The following ITGA9 variants were observed in gnomAD, a reference collection of about 807,000 sequenced individuals.
ITGA9 encodes the protein integrin subunit alpha 9, also known as integrin alpha-9.
ITGA9 carries 56 observed loss-of-function variants against 127.8 expected under a neutral mutation model. The ratio of observed to expected loss-of-function variants is 0.44; its 90% CI spans 0.35 to 0.55. ITGA9 has a LOEUF of 0.55. Ranked by LOEUF, ITGA9 falls within the 20% of genes least tolerant of loss-of-function variation. The probability of loss-of-function intolerance (pLI) is 0.00; values close to 1 mark genes in which losing one functional copy is unlikely to be tolerated. For missense variants in ITGA9, 1,196 were observed against 1,347.1 expected, an observed-to-expected ratio of 0.89 and a Z score of 1.76; for synonymous variants, 508 against 514.5, an observed-to-expected ratio of 0.99 and a Z score of 0.17.
chr3:37,589,837 T>C (rs1366023915), intron 15 of ITGA9, among the ~76,000 whole-genome samples: 1 of 151,924 alleles, frequency 6.6e-6, no homozygotes, highest in Non-Finnish European at 1.5e-5. Flanking sequence ...TAGTAGACCA[T>C]TGAAAGGACT....
At position 37,452,841 on chromosome 3, in the gene ITGA9, T is replaced by C. The variant is rs563434386; in HGVS notation, c.185+282T>C. On this transcript the variant is annotated intron_variant, in intron 1 of 27. Coordinates refer to ENST00000264741, the MANE Select transcript of ITGA9 (RefSeq NM_002207.3). This position sits in a 1 kb window ranked among gnomAD's most constrained non-coding sequence, Gnocchi z 7.3. ...AGCGTGGGGGGAGAGCCGCTAGAGT[T>C]GTCTCCTCCGCCGCCCAGCTAGACT... Among the ~76,000 whole-genome samples, 25 of 152,124 alleles carry C rather than the reference T, an allele frequency of 1.6e-4. No homozygotes were observed. Among genetic ancestry groups the C allele is most frequent in the African/African-American group, 5.1e-4 (21 of 41,516 alleles).
chr3:37,540,465 C>T (rs1052812513), intron 14 of ITGA9, among the ~76,000 whole-genome samples: 1 of 151,130 alleles, frequency 6.6e-6, no homozygotes, highest in Non-Finnish European at 1.5e-5. Flanking sequence ...TAGATCTCTG[C>T]ACTTGTTTGG....
intron 8 of ITGA9, among the ~76,000 whole-genome samples, chr3:37,511,697 G>A (rs946311680): frequency 1.4e-4 from 21 of 152,212 alleles, no homozygotes; most frequent in African/African-American, 4.1e-4. Context: ...TTCCTGCTCC[G>A]TTCTCCTTTG....
At chr3:37,572,604 A>G (rs1699612422) in intron 15 of ITGA9, among the ~76,000 whole-genome samples, 1 of 152,258 alleles carries the variant, frequency 6.6e-6, no homozygotes, top group Non-Finnish European at 1.5e-5. Context: ...ACTTACAGAT[A>G]GAAGGCAATA....
chr3:37,562,043 AC>A, intron 15 of ITGA9, among the ~76,000 whole-genome samples: 1 of 152,178 alleles, frequency 6.6e-6, no homozygotes, highest in South Asian at 2.1e-4. Flanking sequence ...TCTTCTGCTT[AC>A]AGCTGTTGTG....
chr3:37,576,890 C>T lies in ITGA9; in HGVS notation c.1689+34305C>T, dbSNP rs190980973. On this transcript the variant is annotated intron_variant, in intron 15 of 27. Coordinates refer to ENST00000264741, the MANE Select transcript of ITGA9 (RefSeq NM_002207.3). The stretch of plus-strand genomic sequence containing the variant: ...CTGGGATTACAGGCATGAGCCACCA[C>T]ACTCCACCTCCAACCACAATTCTTG... Among the ~76,000 whole-genome samples the T allele has an allele frequency of 2.2e-4, 34 of 152,354 alleles. No homozygotes were observed. In the East Asian group the frequency reaches 6.4e-3, roughly 29 times the overall value.
At chr3:37,725,732 T>C (rs1195580031) in intron 18 of ITGA9, among the ~76,000 whole-genome samples, 13 of 152,222 alleles carry the variant, frequency 8.5e-5, no homozygotes, top group Admixed American at 7.8e-4. Flanking sequence ...GTAGAGGCTA[T>C]GTACTCCATC....
At chr3:37,456,486 G>A (rs1268010517) in intron 1 of ITGA9, among the ~76,000 whole-genome samples, 2 of 152,146 alleles carry the variant, frequency 1.3e-5, no homozygotes, top group Non-Finnish European at 2.9e-5. Flanking sequence ...ATGCTGCCTG[G>A]CTGGCGTGCA....
At chr3:37,503,446 C>T (rs1698808699) in intron 6 of ITGA9, 139 bp downstream of exon 6, 6 of 935,194 alleles carry the variant, frequency 6.4e-6, no homozygotes, top group South Asian at 1.5e-5. Flanking sequence ...ACATCTTTAG[C>T]CAGGGCATCT....
intron 15 of ITGA9, among the ~76,000 whole-genome samples, chr3:37,625,416 C>G (rs2125633483): frequency 6.6e-6 from 1 of 152,326 alleles, no homozygotes; most frequent in African/African-American, 2.4e-5. Flanking sequence ...AAAACCTCAG[C>G]TGCTGCAAAT....
At position 37,629,924 on chromosome 3, in the gene ITGA9, C is replaced by A. The variant is rs1700214745; in HGVS notation, c.1839+588C>A. Among the ~76,000 whole-genome samples, 1 of 152,172 alleles carries A rather than the reference C, an allele frequency of 6.6e-6. No homozygotes were observed. Among genetic ancestry groups the A allele is most frequent in the Admixed American group, 6.5e-5 (1 of 15,284 alleles). ...GCCTGTGCCTGATTTTGTGCAGCAG[C>A]GCTGGCCAGCTCTGAGGCGTGCAGC... On this transcript the variant is annotated intron_variant, in intron 16 of 27. Transcript: ENST00000264741. This position sits in a 1 kb window ranked among gnomAD's most constrained non-coding sequence, Gnocchi z 4.5.
chr3:37,609,493 T>C (rs904445104), intron 15 of ITGA9, among the ~76,000 whole-genome samples: 4 of 152,222 alleles, frequency 2.6e-5, no homozygotes, highest in African/African-American at 9.7e-5. Flanking sequence ...TGCACATTCT[T>C]GTGACAGGCA....
chr3:37,726,540 T>G (rs1037584719), intron 18 of ITGA9, among the ~76,000 whole-genome samples: 1 of 152,234 alleles, frequency 6.6e-6, no homozygotes, highest in Non-Finnish European at 1.5e-5. Flanking sequence ...CTAATTTCAT[T>G]ATTCGATTCT....
At chr3:37,743,832 T>C in intron 21 of ITGA9, 94 bp from the exon 22 acceptor site, 1 of 894,746 alleles carries the variant, frequency 1.1e-6, no homozygotes, top group South Asian at 1.3e-5. Context: ...GACACTGGAT[T>C]AAATTGAGAC....
intron 5 of ITGA9, among the ~76,000 whole-genome samples, chr3:37,496,992 T>G (rs1343076543): frequency 6.6e-6 from 1 of 152,246 alleles, no homozygotes; most frequent in East Asian, 1.9e-4. Context: ...CTCTATCTTC[T>G]CTCACTCAGA....
At chr3:37,589,693 G>A (rs1420172650) in intron 15 of ITGA9, among the ~76,000 whole-genome samples, 1 of 152,158 alleles carries the variant, frequency 6.6e-6, no homozygotes, top group African/African-American at 2.4e-5. Flanking sequence ...GAAACAGCCG[G>A]TGCAAAGGCC....
At chr3:37,815,832 G>A (rs1172433199) in intron 27 of ITGA9, among the ~76,000 whole-genome samples, 1 of 152,144 alleles carries the variant, frequency 6.6e-6, no homozygotes, top group African/African-American at 2.4e-5. Context: ...TGGCTATTTG[G>A]ACTGAGCTCA....
chr3:37,487,274 A>C (rs958521020), intron 4 of ITGA9, among the ~76,000 whole-genome samples: 42 of 152,342 alleles, frequency 2.8e-4, no homozygotes, highest in African/African-American at 8.7e-4. Flanking sequence ...AAGAGGATGC[A>C]GTTGTACATT....
In ITGA9 at chr3:37,716,978, G is replaced by A. The variant is rs76155666; in HGVS notation, c.2068-15734G>A. 3.4e-4 allele frequency among the ~76,000 whole-genome samples: 52 copies of A among 152,254 alleles called. 1 individual carries two copies. The East Asian group carries it at 9.7e-3, about 28-fold the overall frequency. ...TTGTTCTAATTGCGTATTGATCACC[G>A]AGGTTCTTGGCATCGGGCTTTTCTT... On this transcript the variant is annotated intron_variant, in intron 18 of 27. Coordinates refer to ENST00000264741, the MANE Select transcript of ITGA9 (RefSeq NM_002207.3).
Sources: allele counts gnomAD v4.1 joint callset (sites outside exome capture counted in the v4.1 genomes callset), GRCh38; gene constraint gnomAD v4.1.1; non-coding constraint Gnocchi (gnomAD v3.1); transcripts MANE v1.5; gene names NCBI Gene and HGNC (gene_info 2026-07-23, HGNC 2026-07-21).